The following PDZRN4 variants were observed in gnomAD, a reference collection of about 807,000 sequenced individuals.
The protein encoded by PDZRN4 is PDZ domain-containing RING finger protein 4.
PDZRN4 carries 70 observed loss-of-function variants against 99.0 expected under a neutral mutation model. The observed-to-expected ratio is 0.71, with a 90% CI of 0.58 to 0.86. The LOEUF (loss-of-function observed/expected upper bound fraction) is 0.86. PDZRN4 is among the 40% of genes least tolerant of loss of function. PDZRN4 has a pLI of 0.00. For synonymous variants in PDZRN4, 551 were observed against 501.6 expected (o/e 1.10, Z -1.32); for missense variants, 1,474 against 1,331.2 (o/e 1.11, Z -1.67).
At chr12:41,259,013 G>A (rs1951220684) in intron 3 of PDZRN4, among the ~76,000 whole-genome samples, 1 of 152,004 alleles carries the variant, frequency 6.6e-6, no homozygotes, top group African/African-American at 2.4e-5. Context: ...ATCATAGGTT[G>A]AAGCATCAAT....
At chr12:41,552,073 G>C (rs1939066232) in intron 5 of PDZRN4, among the ~76,000 whole-genome samples, 1 of 152,086 alleles carries the variant, frequency 6.6e-6, no homozygotes. Context: ...CTTCAGCCTG[G>C]ATGAAACCAT....
chr12:41,263,550 G>A (rs1951257462), intron 3 of PDZRN4, among the ~76,000 whole-genome samples: 2 of 152,156 alleles, frequency 1.3e-5, no homozygotes, highest in African/African-American at 2.4e-5. Flanking sequence ...AGCTGAGCAT[G>A]GTGGCATTTG....
chr12:41,257,430 T>C (rs1459671350), intron 3 of PDZRN4, among the ~76,000 whole-genome samples: 1 of 152,214 alleles, frequency 6.6e-6, no homozygotes, highest in South Asian at 2.1e-4. Flanking sequence ...TGCCTTCTAA[T>C]ACCATCGACT....
rs150492298 is a variant in PDZRN4 at position 41,279,277 on chromosome 12, A to G, written c.843+85089A>G. Among the ~76,000 whole-genome samples, 51 of 152,386 alleles carry G rather than the reference A, an allele frequency of 3.3e-4. No homozygotes were observed. In the East Asian group the frequency reaches 8.9e-3, roughly 26 times the overall value. On this transcript the variant is annotated intron_variant, in intron 3 of 9. Coordinates refer to ENST00000402685, the MANE Select transcript of PDZRN4 (RefSeq NM_001164595.2). ...ATTCCCTTAAACTCAAAATTATTTAAGAACTTTCTTAAGCAATCAAAAAGA... is the reference window on the plus strand; with the variant it reads ...ATTCCCTTAAACTCAAAATTATTTAGGAACTTTCTTAAGCAATCAAAAAGA...
chr12:41,501,146 G>T (rs768917815), intron 3 of PDZRN4, among the ~76,000 whole-genome samples: 1 of 152,104 alleles, frequency 6.6e-6, no homozygotes, highest in East Asian at 1.9e-4. Context: ...CTTTTATGGC[G>T]CCTTCTTAAA....
intron 3 of PDZRN4, among the ~76,000 whole-genome samples, chr12:41,293,300 A>C (rs905834912): frequency 1.2e-4 from 18 of 149,892 alleles, no homozygotes; most frequent in Admixed American, 1.2e-3. Context: ...GGTGCTGACG[A>C]GGAAAAAAAT....
chr12:41,536,772 A>T (rs1938756066), intron 5 of PDZRN4, among the ~76,000 whole-genome samples: 1 of 151,954 alleles, frequency 6.6e-6, no homozygotes, highest in Non-Finnish European at 1.5e-5. Context: ...AAAAAAAAAA[A>T]ACCCTTCTTG....
At chr12:41,430,885 G>T (rs934828172) in intron 3 of PDZRN4, among the ~76,000 whole-genome samples, 13 of 152,200 alleles carry the variant, frequency 8.5e-5, no homozygotes, top group Non-Finnish European at 1.6e-4. Context: ...TGTGGAGGCT[G>T]CAGGGAACTT....
At chr12:41,278,630 T>A (rs1251716272) in intron 3 of PDZRN4, among the ~76,000 whole-genome samples, 1 of 152,128 alleles carries the variant, frequency 6.6e-6, no homozygotes, top group Non-Finnish European at 1.5e-5. Flanking sequence ...ATAAAAACAG[T>A]CTCTTAATAA....
chr12:41,573,011 C>A lies in PDZRN4; in HGVS notation c.2232C>A (p.Ser744Arg). ...DSSSAYNTAE[S>R]CRSTPLTVDR... is the part of the protein sequence containing the mutation. ...CTAGTGCTTACAACACAGCTGAGAG[C>A]TGCAGAAGTACTCCGCTCACTGTAG... Residue 744 changes from serine to arginine, a missense_variant, in exon 10 of 10, where the codon AGC becomes AGA. Ser to Arg is a moderately radical substitution (Grantham distance 110, BLOSUM62 -1). Coordinates refer to ENST00000402685, the MANE Select transcript of PDZRN4 (RefSeq NM_001164595.2). The A allele has an allele frequency of 1.2e-6, 2 of 1,614,152 alleles. No individual in the cohort carries two copies. Among genetic ancestry groups the A allele is most frequent in the Non-Finnish European group, 1.7e-6 (2 of 1,180,014 alleles).
rs375927614 is a variant in PDZRN4, at chr12:41,398,346, A to G, written c.844-108110A>G. On this transcript the variant is annotated intron_variant, in intron 3 of 9. Coordinates refer to ENST00000402685, the MANE Select transcript of PDZRN4 (RefSeq NM_001164595.2). ...AACTATGGGATTTGCTGAAGATGTC[A>G]CTAAGGAATGGGAAAGTGGGACAAA... 9.2e-5 allele frequency among the ~76,000 whole-genome samples: 14 copies of G among 152,256 alleles called. No homozygotes were observed. In the East Asian group the frequency reaches 2.7e-3, roughly 29 times the overall value.
intron 3 of PDZRN4, among the ~76,000 whole-genome samples, chr12:41,392,391 T>C (rs914571020): frequency 6.6e-6 from 1 of 152,222 alleles, no homozygotes; most frequent in Non-Finnish European, 1.5e-5. Flanking sequence ...CTTTCTATTC[T>C]ATAATATATA....
At chr12:41,490,205 C>T (rs773629573) in intron 3 of PDZRN4, among the ~76,000 whole-genome samples, 1 of 152,126 alleles carries the variant, frequency 6.6e-6, no homozygotes, top group Non-Finnish European at 1.5e-5. Context: ...ACTAACTCCC[C>T]TCATCTTTGA....
At position 41,506,220 on chromosome 12, in the gene PDZRN4, T is replaced by C. The variant is rs575847823; in HGVS notation, c.844-236T>C. On this transcript the variant is annotated intron_variant, in intron 3 of 9. Coordinates refer to ENST00000402685, the MANE Select transcript of PDZRN4 (RefSeq NM_001164595.2). ...ATCTTTGCTAATAGTTCTGCTGTTT[T>C]ACTAGTTAACCAACTCCAGATACTT... Among the ~76,000 whole-genome samples, 16 of 152,314 alleles carry C rather than the reference T, an allele frequency of 1.1e-4. No individual in the cohort carries two copies. The South Asian group carries it at 2.5e-3, about 24-fold the overall frequency.
chr12:41,378,248 AT>A (rs1160999689), intron 3 of PDZRN4, among the ~76,000 whole-genome samples: 1 of 152,160 alleles, frequency 6.6e-6, no homozygotes. Flanking sequence ...ACAGATTTTC[AT>A]TCTTCTTCCT....
Position 41,189,085 on chromosome 12 carries a change from C to A in PDZRN4, c.630C>A (p.Leu210=). Residue 210 remains leucine (L), a synonymous_variant, in exon 1 of 10, where the codon CTC becomes CTA. Transcript: ENST00000402685. ...MAHVRNFVGD[L]GGGHRRDGEH... ...ACGTCCGCAACTTCGTCGGCGACCT[C>A]GGTGGCGGCCACCGCAGGGTAAGCA... is the stretch of plus-strand genomic sequence containing the variant. 1.3e-6 allele frequency: 2 copies of A among 1,581,758 alleles called. No individual in the cohort carries two copies. Among genetic ancestry groups the A allele is most frequent in the Non-Finnish European group, 1.7e-6 (2 of 1,172,224 alleles).
chr12:41,264,335 A>G (rs78514802), intron 3 of PDZRN4, among the ~76,000 whole-genome samples: 1,789 of 152,312 alleles, frequency 0.012, 19 homozygotes, highest in African/African-American at 0.027. Flanking sequence ...TGAATAAAGC[A>G]TCATACCAAT....
chr12:41,189,302 T>C (rs940719696), intron 1 of PDZRN4, among the ~76,000 whole-genome samples, 199 bp downstream of exon 1: 18 of 152,156 alleles, frequency 1.2e-4, no homozygotes, highest in Admixed American at 1.2e-3. Flanking sequence ...GTCCCTTTTC[T>C]GATTATATTA....
chr12:41,413,562 G>A (rs958419405), intron 3 of PDZRN4, among the ~76,000 whole-genome samples: 25 of 151,978 alleles, frequency 1.6e-4, no homozygotes, highest in African/African-American at 2.7e-4. Flanking sequence ...TTAAGATGAC[G>A]GACGTGCTAA....
Sources: allele counts gnomAD v4.1 joint callset (sites outside exome capture counted in the v4.1 genomes callset), GRCh38; gene constraint gnomAD v4.1.1; transcripts MANE v1.5; gene names NCBI Gene and HGNC (gene_info 2026-07-23, HGNC 2026-07-21).